The following RASSF8 variants were observed in gnomAD, a reference collection of about 807,000 sequenced individuals.
RASSF8 encodes Ras association domain family member 8, also known as ras association domain-containing protein 8.
RASSF8 carries 22 observed loss-of-function variants against 48.5 expected under a neutral mutation model. That is an observed-to-expected ratio of 0.45 (90% CI 0.32 to 0.65). The LOEUF (loss-of-function observed/expected upper bound fraction) is 0.65, where lower values mean the gene tolerates loss of function less well. RASSF8 is among the 30% of genes least tolerant of loss of function. The pLI is 0.03. For missense variants in RASSF8, 418 were observed against 489.2 expected, an observed-to-expected ratio of 0.85 and a Z score of 1.37; for synonymous variants, 127 against 171.5, an observed-to-expected ratio of 0.74 and a Z score of 2.03.
intron 2 of RASSF8, among the ~76,000 whole-genome samples, chr12:26,005,975 G>T (rs1325708186): frequency 6.6e-6 from 1 of 152,118 alleles, no homozygotes; most frequent in Non-Finnish European, 1.5e-5. Context: ...GTAGTCTTCG[G>T]TTTTGCCCTT....
At chr12:25,980,960 A>G (rs1488190843) in intron 1 of RASSF8, among the ~76,000 whole-genome samples, 1 of 152,176 alleles carries the variant, frequency 6.6e-6, no homozygotes, top group South Asian at 2.1e-4. Flanking sequence ...GTTGTTGTCC[A>G]GTAGAAAATA....
At chr12:26,055,202 A>G (rs1180243505) in intron 2 of RASSF8, 34 bp from the exon 3 acceptor site, 3 of 655,898 alleles carry the variant, frequency 4.6e-6, no homozygotes, top group Non-Finnish European at 8.3e-6. Flanking sequence ...ATGTTGATTC[A>G]TTTTATTACA....
intron 2 of RASSF8, among the ~76,000 whole-genome samples, chr12:26,016,567 T>C (rs752282484): frequency 2.0e-5 from 3 of 152,192 alleles, no homozygotes; most frequent in Non-Finnish European, 4.4e-5. Context: ...CGAAAGAGCT[T>C]TATAAATTGC....
At position 26,069,857 on chromosome 12, in the gene RASSF8, A is replaced by G; in HGVS notation, c.*1039A>G. The stretch of plus-strand genomic sequence containing the variant: ...TGGACCATTGTGGTTTCTTCCAGTC[A>G]CTTAGATGGAAAGGAGGTTAAACCT... On this transcript the variant is annotated 3_prime_UTR_variant, in exon 6 of 6. Transcript: ENST00000689635. 1 of 984,862 alleles carries G rather than the reference A, an allele frequency of 1.0e-6. No individual in the cohort carries two copies. The highest frequency in any genetic ancestry group is 1.2e-6 in the Non-Finnish European group (1 of 829,412). 61.0% of individuals were successfully genotyped at this position (984,862 alleles called of 1,614,324 possible). A position where few individuals can be genotyped will look rare whatever the true frequency, so the allele number is the denominator to read the frequency against.
At chr12:26,041,599 G>A (rs912546646) in intron 2 of RASSF8, among the ~76,000 whole-genome samples, 1 of 151,936 alleles carries the variant, frequency 6.6e-6, no homozygotes, top group African/African-American at 2.4e-5. Context: ...GTGGGGGGGT[G>A]TACACACCCA....
chr12:26,037,796 G>C (rs763249851), intron 2 of RASSF8, among the ~76,000 whole-genome samples: 1 of 152,170 alleles, frequency 6.6e-6, no homozygotes, highest in African/African-American at 2.4e-5. Flanking sequence ...TCAGAGGAGT[G>C]GCTGTGTCCT....
Position 26,069,537 on chromosome 12 carries a change from G to A in RASSF8, c.*719G>A, listed in dbSNP as rs1943956287. ...GCTAAATTGTATGTATAAAACATTT[G>A]CAGTGTTTCAGACACTGTTGAACAA... On this transcript the variant is annotated 3_prime_UTR_variant, in exon 6 of 6. Coordinates refer to ENST00000689635, the MANE Select transcript of RASSF8 (RefSeq NM_001394098.1). The A allele has an allele frequency of 5.1e-6, 5 of 985,338 alleles. No individual in the cohort carries two copies. The highest frequency in any genetic ancestry group is 4.7e-5 in the South Asian group (1 of 21,286). The allele number at this position is 985,338 out of a possible 1,614,324, so 61.0% of individuals were successfully genotyped here. A position where few individuals can be genotyped will look rare whatever the true frequency, so the allele number is the denominator to read the frequency against.
At chr12:26,075,987 G>C (rs1424381147), downstream of RASSF8, among the ~76,000 whole-genome samples, 1 of 152,062 alleles carries the variant, frequency 6.6e-6, no homozygotes, top group Non-Finnish European at 1.5e-5. Flanking sequence ...CACCATCCCA[G>C]CCCATCTCGA....
chr12:26,047,732 G>A (rs1943402007), intron 2 of RASSF8, among the ~76,000 whole-genome samples: 1 of 152,222 alleles, frequency 6.6e-6, no homozygotes, highest in Non-Finnish European at 1.5e-5. Context: ...AAGAGCACCA[G>A]CAGGAGATCC....
intron 4 of RASSF8, among the ~76,000 whole-genome samples, chr12:26,066,341 TA>T (rs1275305210): frequency 6.6e-6 from 1 of 152,180 alleles, no homozygotes; most frequent in Non-Finnish European, 1.5e-5. Flanking sequence ...GCCCAAGTAA[TA>T]CCTGTGTACA....
At chr12:26,058,674 G>A (rs1943670870) in intron 3 of RASSF8, among the ~76,000 whole-genome samples, 1 of 152,154 alleles carries the variant, frequency 6.6e-6, no homozygotes, top group Non-Finnish European at 1.5e-5. Flanking sequence ...CACACAAGTT[G>A]TCAACCTGCA....
chr12:26,027,590 T>C (rs1942943268), intron 2 of RASSF8, among the ~76,000 whole-genome samples: 1 of 152,244 alleles, frequency 6.6e-6, no homozygotes, highest in South Asian at 2.1e-4. Flanking sequence ...ACCAGCCAGT[T>C]ACCAGTCTCA....
At position 26,061,392 on chromosome 12, in the gene RASSF8, A is replaced by G. The variant is rs186863330; in HGVS notation, c.104-3106A>G. Among the ~76,000 whole-genome samples the G allele has an allele frequency of 5.8e-3, 883 of 152,168 alleles. 4 individuals are homozygous for G. The highest frequency in any genetic ancestry group is 0.012 in the Admixed American group (178 of 15,282). On this transcript the variant is annotated intron_variant, in intron 3 of 5. Coordinates refer to ENST00000689635, the MANE Select transcript of RASSF8 (RefSeq NM_001394098.1). ...ATTAATGCATTAAAATCTGTATGTAAGTTTCTTCAGTATATAAATTTAATG... is the reference window on the plus strand; with the variant it reads ...ATTAATGCATTAAAATCTGTATGTAGGTTTCTTCAGTATATAAATTTAATG...
intron 2 of RASSF8, among the ~76,000 whole-genome samples, chr12:26,016,797 T>G (rs949849): frequency 6.6e-6 from 1 of 151,910 alleles, no homozygotes; most frequent in Non-Finnish European, 1.5e-5. Flanking sequence ...TGTTGAATAG[T>G]TGTTTATTTT....
At chr12:26,058,114 A>AT (rs2137259005) in intron 3 of RASSF8, among the ~76,000 whole-genome samples, 1 of 152,234 alleles carries the variant, frequency 6.6e-6, no homozygotes, top group Non-Finnish European at 1.5e-5. Flanking sequence ...CTGCCCTCCT[A>AT]TTTTTACTTT....
intron 1 of RASSF8, among the ~76,000 whole-genome samples, chr12:25,960,107 T>G (rs1351664797): frequency 1.3e-5 from 2 of 152,108 alleles, no homozygotes; most frequent in Non-Finnish European, 1.5e-5. Context: ...GATTTTCCAG[T>G]AGATTGTGGC....
intron 1 of RASSF8, among the ~76,000 whole-genome samples, chr12:25,982,055 CG>C (rs1431638182): frequency 6.6e-6 from 1 of 152,044 alleles, no homozygotes; most frequent in Non-Finnish European, 1.5e-5. Flanking sequence ...ATCGAAGATA[CG>C]GGGTACCACT....
At chr12:25,959,995 C>G (rs1237113176) in intron 1 of RASSF8, among the ~76,000 whole-genome samples, 3 of 151,980 alleles carry the variant, frequency 2.0e-5, no homozygotes, top group African/African-American at 2.4e-5. Flanking sequence ...CGTCTCATAG[C>G]TGACTTAAAC....
chr12:26,026,571 GATTACAGGCACACACC>G (rs1293628807), intron 2 of RASSF8, among the ~76,000 whole-genome samples: 1 of 152,120 alleles, frequency 6.6e-6, no homozygotes, highest in African/African-American at 2.4e-5. Flanking sequence ...AAGTAGCTAG[GATTACAGGCACACACC>G]ACCATGCCCG....
Sources: allele counts gnomAD v4.1 joint callset (sites outside exome capture counted in the v4.1 genomes callset), GRCh38; gene constraint gnomAD v4.1.1; transcripts MANE v1.5; gene names NCBI Gene and HGNC (gene_info 2026-07-23, HGNC 2026-07-21).